The following CCDC137 variants were observed in gnomAD, a reference collection of about 807,000 sequenced individuals.
CCDC137 encodes coiled-coil domain containing 137.
A neutral mutation model predicts 30.4 loss-of-function variants in CCDC137; 24 were observed. The observed-to-expected ratio is 0.79, with a 90% CI of 0.57 to 1.11. The LOEUF (loss-of-function observed/expected upper bound fraction) is 1.11, where lower values mean the gene tolerates loss of function less well. Ranked by LOEUF, CCDC137 falls within the 50% of genes least tolerant of loss-of-function variation. CCDC137 has a pLI of 0.00. For missense variants in CCDC137, 417 were observed against 380.4 expected, an observed-to-expected ratio of 1.10 and a Z score of -0.80; for synonymous variants, 182 against 155.7, an observed-to-expected ratio of 1.17 and a Z score of -1.26.
In CCDC137 at chr17:81,673,835, G is replaced by A. The variant is rs1178842626; in HGVS notation, c.*1131G>A. The stretch of plus-strand genomic sequence containing the variant: ...TCCAAGTGTGAAGTGACAGCCTTGT[G>A]TGTGATGTTTTCTGCCTTCCCCAAG... On this transcript the variant is annotated 3_prime_UTR_variant, in exon 6 of 6. Coordinates refer to ENST00000329214, the MANE Select transcript of CCDC137 (RefSeq NM_199287.3). 2 of 152,270 alleles carry A rather than the reference G, an allele frequency of 1.3e-5. No individual in the cohort carries two copies. Among genetic ancestry groups the A allele is most frequent in the African/African-American group, 2.4e-5 (1 of 41,458 alleles). The allele number at this position is 152,270 out of a possible 1,614,324, so 9.4% of individuals were successfully genotyped here.
At chr17:81,672,399 T>C in intron 5 of CCDC137, 96 bp from the exon 6 acceptor site, 1 of 1,212,558 alleles carries the variant, frequency 8.2e-7, no homozygotes, top group Non-Finnish European at 1.2e-6. Context: ...GAGAGTGCAG[T>C]GTTCTCGCTG....
chr17:81,670,480 T>G (rs1598733765), intron 3 of CCDC137, 27 bp downstream of exon 3: 2 of 1,503,432 alleles, frequency 1.3e-6, no homozygotes, highest in Non-Finnish European at 1.8e-6. Context: ...GGGGGAGGGG[T>G]CTGCCCTGGG....
intron 4 of CCDC137, 31 bp downstream of exon 4, chr17:81,671,857 G>C (rs2036722739): frequency 6.2e-7 from 1 of 1,610,230 alleles, no homozygotes; most frequent in African/African-American, 1.3e-5. Flanking sequence ...GGTGTCAGCA[G>C]TGGTCCGGGT....
At chr17:81,671,446 A>G in intron 3 of CCDC137, 2 of 385,522 alleles carry the variant, frequency 5.2e-6, no homozygotes, top group Non-Finnish European at 4.9e-6. Context: ...TTCGTGCACA[A>G]GGTGCCAGTA....
rs117682050 is a variant in CCDC137 at position 81,670,062 on chromosome 17, A to T, written c.269-163A>T. ...GGGCTGGGGGGTCACGTCCCCGGGG[A>T]TGCCGGGCCGGGCATTCTACATCCT... On this transcript the variant is annotated intron_variant, in intron 2 of 5. Transcript: ENST00000329214. 3.5e-4 allele frequency: 212 copies of T among 612,342 alleles called. 2 individuals carry two copies. In the East Asian group the frequency reaches 3.7e-3, roughly 11 times the overall value. The allele number at this position is 612,342 out of a possible 1,614,324, so 37.9% of individuals were successfully genotyped here.
intron 5 of CCDC137, 126 bp from the exon 6 acceptor site, chr17:81,672,369 C>T (rs562478944): frequency 1.0e-5 from 10 of 995,918 alleles, no homozygotes; most frequent in Middle Eastern, 2.3e-4. Context: ...CCAACGTGTG[C>T]GCTGTCTGGT....
At chr17:81,671,541 AG>A in intron 3 of CCDC137, 1 of 571,514 alleles carries the variant, frequency 1.7e-6, no homozygotes, top group Non-Finnish European at 3.1e-6. Flanking sequence ...GGGACCTGTG[AG>A]GGGCCTGTTG....
At chr17:81,668,849 G>A (rs183897148) in intron 2 of CCDC137, among the ~76,000 whole-genome samples, 4 of 149,724 alleles carry the variant, frequency 2.7e-5, no homozygotes, top group East Asian at 4.0e-4. Flanking sequence ...TACAGGTAAC[G>A]CACCACCATA....
chr17:81,671,322 A>G (rs756764262), intron 3 of CCDC137, among the ~76,000 whole-genome samples: 2 of 152,198 alleles, frequency 1.3e-5, no homozygotes, highest in Non-Finnish European at 2.9e-5. Flanking sequence ...TGAAGCTTCC[A>G]GATTCACATT....
In CCDC137 at chr17:81,672,693, C is replaced by T. The variant is rs1482431239; in HGVS notation, c.859C>T (p.Pro287Ser). The T allele has an allele frequency of 2.5e-6, 4 of 1,588,874 alleles. No homozygotes were observed. The South Asian group carries it at 3.4e-5, about 14-fold the overall frequency. The change falls in exon 6 of 6, where the codon CCG becomes TCG. Residue 287 changes from proline (P) to serine (S), a missense_variant. By Grantham distance (74) the Pro-to-Ser change is moderately conservative (BLOSUM62 -1). Transcript: ENST00000329214. Reference sequence around the variant, plus strand: ...CCTCACTTCCCGGAAGAAGCCAGAGCCGCAGCTGTGATGGAGAGACACCCG... The same window carrying T: ...CCTCACTTCCCGGAAGAAGCCAGAGTCGCAGCTGTGATGGAGAGACACCCG... ...PHLTSRKKPE[P>S]QL
chr17:81,667,932 T>C, intron 2 of CCDC137, 70 bp downstream of exon 2: 1 of 1,531,036 alleles, frequency 6.5e-7, no homozygotes, highest in Non-Finnish European at 8.8e-7. Context: ...GCCCAAATAC[T>C]TCAGAACGTT....
intron 2 of CCDC137, among the ~76,000 whole-genome samples, chr17:81,669,599 G>A (rs888335790): frequency 6.6e-5 from 10 of 152,072 alleles, no homozygotes; most frequent in East Asian, 1.9e-4. Context: ...TCGCTCAGTC[G>A]CCCAGGCTGG....
intron 3 of CCDC137, 102 bp downstream of exon 3, chr17:81,670,555 G>C (rs2036708532): frequency 7.8e-6 from 8 of 1,027,470 alleles, no homozygotes; most frequent in Admixed American, 2.4e-5. Context: ...CATAGCCATG[G>C]GGCAGCCTGG....
intron 2 of CCDC137, 35 bp from the exon 3 acceptor site, chr17:81,670,190 C>T: frequency 1.3e-6 from 2 of 1,546,624 alleles, no homozygotes; most frequent in Non-Finnish European, 1.8e-6. Context: ...CACTGTCTGC[C>T]TCCTGCCTCC....
intron 2 of CCDC137, among the ~76,000 whole-genome samples, chr17:81,668,780 A>C (rs967237440): frequency 1.1e-4 from 16 of 151,842 alleles, no homozygotes; most frequent in East Asian, 7.7e-4. Context: ...GGCTCACTGC[A>C]ACCTCCACCT....
intron 4 of CCDC137, 77 bp downstream of exon 4, chr17:81,671,903 C>T: frequency 6.5e-7 from 1 of 1,543,998 alleles, no homozygotes; most frequent in South Asian, 1.1e-5. Flanking sequence ...CCCCACCAGC[C>T]CTGGCTGCAC....
rs909534833 is a variant in CCDC137, at chr17:81,670,001, G to T, written c.269-224G>T. The T allele has an allele frequency of 7.2e-6, 4 of 556,826 alleles. No homozygotes were observed. Among genetic ancestry groups the T allele is most frequent in the Non-Finnish European group, 1.3e-5 (4 of 312,084 alleles). 34.5% of individuals were successfully genotyped at this position (556,826 alleles called of 1,614,324 possible). ...AGGTTGTTTCTGCTTTCCTTTTTCA[G>T]CTGTGCTGCAGTGGACATCTGTGAC... On this transcript the variant is annotated intron_variant, in intron 2 of 5. Coordinates refer to ENST00000329214, the MANE Select transcript of CCDC137 (RefSeq NM_199287.3).
chr17:81,667,658 T>C, intron 1 of CCDC137, 71 bp from the exon 2 acceptor site: 1 of 1,576,656 alleles, frequency 6.3e-7, no homozygotes, highest in Non-Finnish European at 8.6e-7. Flanking sequence ...CAGACCCAAC[T>C]ATTGTTTCTC....
At chr17:81,672,352 C>A (rs2036729064) in intron 5 of CCDC137, 143 bp from the exon 6 acceptor site, 10 of 903,660 alleles carry the variant, frequency 1.1e-5, no homozygotes, top group South Asian at 3.5e-5. Flanking sequence ...AAAAAAAAAA[C>A]CCTCAGCCAA....
Sources: gnomAD v4.1 joint callset for allele counts (sites outside exome capture counted in the v4.1 genomes callset) on GRCh38, gnomAD v4.1.1 for gene constraint, MANE v1.5 for transcripts, NCBI Gene and HGNC (gene_info 2026-07-23, HGNC 2026-07-21) for gene names.